The following NDUFV3 variants were observed in gnomAD, a reference collection of about 807,000 sequenced individuals.
NDUFV3 encodes the protein NADH dehydrogenase [ubiquinone] flavoprotein 3, mitochondrial.
In NDUFV3, 44 loss-of-function variants were observed where a neutral mutation model predicts 37.5. That is an observed-to-expected ratio of 1.17 (90% CI 0.92 to 1.51). NDUFV3 has a LOEUF of 1.51. Among genes scored for constraint, NDUFV3 ranks in the 40% most tolerant of loss-of-function variants. The pLI, the probability that NDUFV3 is intolerant of heterozygous loss-of-function variation, is 0.00. For synonymous variants in NDUFV3, 235 were observed against 239.3 expected (o/e 0.98, Z 0.17); for missense variants, 580 against 580.4 (o/e 1.00, Z 0.01).
At chr21:42,894,464 A>AAATACAT in intron 1 of NDUFV3, among the ~76,000 whole-genome samples, 1 of 50,232 alleles carries the variant, frequency 2.0e-5, no homozygotes, top group Non-Finnish European at 3.3e-5. Context: ...ATGTTTATAT[A>AAATACAT]AATATATATT....
At position 42,895,292 on chromosome 21, in the gene NDUFV3, G is replaced by C. The variant is rs1407719126; in HGVS notation, c.49-1635G>C. ...GAGGCCAGGAACTCGAGACCAACCT[G>C]ATCAACATGGTGAAACCCCGTCTCT... On this transcript the variant is annotated intron_variant, in intron 1 of 3. Coordinates refer to ENST00000354250, the MANE Select transcript of NDUFV3 (RefSeq NM_021075.4). Among the ~76,000 whole-genome samples the C allele has an allele frequency of 2.6e-5, 4 of 152,250 alleles. No individual in the cohort carries two copies. In the East Asian group the frequency reaches 5.8e-4, roughly 22 times the overall value.
chr21:42,897,119 C>G lies in NDUFV3; in HGVS notation c.169+72C>G. The G allele has an allele frequency of 3.9e-6, 6 of 1,555,794 alleles. No homozygotes were observed. The East Asian group carries it at 9.4e-5, about 24-fold the overall frequency. ...AATAGATTAGTCAGCCTTCGAAGCA[C>G]GACAGTGAGTTTTACTAGCTACGTA... On this transcript the variant is annotated intron_variant, in intron 2 of 3. Transcript: ENST00000354250.
intron 2 of NDUFV3, among the ~76,000 whole-genome samples, chr21:42,897,415 G>C (rs1405199554): frequency 6.6e-6 from 1 of 150,752 alleles, no homozygotes; most frequent in Admixed American, 6.6e-5. Flanking sequence ...TGTTTGTTTT[G>C]TTTTGTTTTG....
chr21:42,900,906 C>T (rs1191253261), intron 2 of NDUFV3, among the ~76,000 whole-genome samples: 1 of 152,146 alleles, frequency 6.6e-6, no homozygotes, highest in East Asian at 1.9e-4. Flanking sequence ...TGGAGGTGCA[C>T]CTTGGGGAAC....
intron 2 of NDUFV3, among the ~76,000 whole-genome samples, chr21:42,897,956 G>T (rs369807050): frequency 6.6e-6 from 1 of 152,226 alleles, no homozygotes; most frequent in South Asian, 2.1e-4. Flanking sequence ...AATTACAGGC[G>T]TGAGCCACCG....
chr21:42,893,343 C>A lies in NDUFV3; in HGVS notation c.10C>A (p.Pro4Thr), dbSNP rs573166856. The A allele has an allele frequency of 1.0e-5, 16 of 1,538,504 alleles. No homozygotes were observed. In the South Asian group the frequency reaches 1.8e-4, roughly 17 times the overall value. Residue 4 changes from proline (P) to threonine (T), a missense_variant, in exon 1 of 4, where the codon CCG becomes ACG. Physicochemically the swap from Pro to Thr is conservative, Grantham distance 38. Transcript: ENST00000354250. The stretch of plus-strand genomic sequence containing the variant: ...GCCCGCTGTCACCGCCATGGCTGCC[C>A]CGTGTTTGCTGCGGCAAGGACGAGC... MAA[P>T]CLLRQGRAGA...
chr21:42,903,093 A>T, intron 2 of NDUFV3, 89 bp from the exon 3 acceptor site: 1 of 1,520,208 alleles, frequency 6.6e-7, no homozygotes, highest in South Asian at 1.2e-5. Flanking sequence ...TACTGTCAGT[A>T]ATAAGTAATG....
intron 1 of NDUFV3, among the ~76,000 whole-genome samples, chr21:42,896,614 G>T (rs79356770): frequency 1.3e-5 from 2 of 152,066 alleles, no homozygotes; most frequent in East Asian, 3.9e-4. Flanking sequence ...CTTCAGGATC[G>T]CTTGAGGCCA....
rs2058767938 is a variant in NDUFV3, at chr21:42,910,895, T to A, written c.*1874T>A. 2 of 152,714 alleles carry A rather than the reference T, an allele frequency of 1.3e-5. No individual in the cohort carries two copies. Among genetic ancestry groups the A allele is most frequent in the African/African-American group, 2.4e-5 (1 of 41,406 alleles). 9.5% of individuals were successfully genotyped at this position (152,714 alleles called of 1,614,324 possible). A position where few individuals can be genotyped will look rare whatever the true frequency, so the allele number is the denominator to read the frequency against. On this transcript the variant is annotated 3_prime_UTR_variant, in exon 4 of 4. Transcript: ENST00000354250. ...CTCCTGTGCATCACATGGAGCACGCTCCCCCAGCACTCTGCAGAGACAGAC... is the reference window on the plus strand; with the variant it reads ...CTCCTGTGCATCACATGGAGCACGCACCCCCAGCACTCTGCAGAGACAGAC...
intron 1 of NDUFV3, among the ~76,000 whole-genome samples, chr21:42,893,661 G>C (rs2058668295): frequency 6.6e-6 from 1 of 152,212 alleles, no homozygotes; most frequent in Non-Finnish European, 1.5e-5. Context: ...GCGCTCCCGA[G>C]GGCTGCATGC....
At chr21:42,897,394 T>C (rs547519397) in intron 2 of NDUFV3, among the ~76,000 whole-genome samples, 2 of 149,732 alleles carry the variant, frequency 1.3e-5, no homozygotes, top group Non-Finnish European at 3.0e-5. Flanking sequence ...TTCCATCCTC[T>C]GATGCTGAGT....
In NDUFV3 at chr21:42,893,328, A is replaced by G; in HGVS notation, c.-6A>G. The G allele has an allele frequency of 3.3e-6, 5 of 1,537,972 alleles. No homozygotes were observed. The highest frequency in any genetic ancestry group is 4.4e-6 in the Non-Finnish European group (5 of 1,146,334). ...GGCCCTGCTTGGTGCGCCCGCTGTC[A>G]CCGCCATGGCTGCCCCGTGTTTGCT... On this transcript the variant is annotated 5_prime_UTR_variant, in exon 1 of 4. Coordinates refer to ENST00000354250, the MANE Select transcript of NDUFV3 (RefSeq NM_021075.4).
chr21:42,899,626 G>A (rs1197925569), intron 2 of NDUFV3, among the ~76,000 whole-genome samples: 1 of 152,292 alleles, frequency 6.6e-6, no homozygotes, highest in South Asian at 2.1e-4. Context: ...TCTGTTTTTA[G>A]TAGAGACGGG....
rs1481279627 is a variant in NDUFV3, at chr21:42,893,327, C to G, written c.-7C>G. ...TGGCCCTGCTTGGTGCGCCCGCTGT[C>G]ACCGCCATGGCTGCCCCGTGTTTGC... is the stretch of plus-strand genomic sequence containing the variant. On this transcript the variant is annotated 5_prime_UTR_variant, in exon 1 of 4. Coordinates refer to ENST00000354250, the MANE Select transcript of NDUFV3 (RefSeq NM_021075.4). 5.9e-6 allele frequency: 9 copies of G among 1,538,126 alleles called. No homozygotes were observed. The highest frequency in any genetic ancestry group is 6.1e-6 in the Non-Finnish European group (7 of 1,146,366).
In NDUFV3 at chr21:42,904,040, G is replaced by C. The variant is rs140627218; in HGVS notation, c.1028G>C (p.Arg343Pro). 2.5e-6 allele frequency: 4 copies of C among 1,614,142 alleles called. 1 individual carries two copies. Among genetic ancestry groups the C allele is most frequent in the South Asian group, 2.2e-5 (2 of 91,090 alleles). ...HLEKPVPEPQ[R>P]KAAPPLPRKE... The stretch of plus-strand genomic sequence containing the variant: ...GAAAAACCCGTGCCAGAGCCCCAGC[G>C]CAAGGCGGCCCCTCCCCTGCCCAGA... The change falls in exon 3 of 4, where the codon CGC becomes CCC. Residue 343 changes from arginine (R) to proline (P), a missense_variant. Arg to Pro is a moderately radical substitution (Grantham distance 103). Coordinates refer to ENST00000354250, the MANE Select transcript of NDUFV3 (RefSeq NM_021075.4).
At position 42,896,936 on chromosome 21, in the gene NDUFV3, C is replaced by T; in HGVS notation, c.58C>T (p.Gln20Ter). Residue 20 changes from glutamine (Q) to a stop codon, truncating the protein, a stop_gained, in exon 2 of 4, where the codon CAG becomes TAG. Coordinates refer to ENST00000354250, the MANE Select transcript of NDUFV3 (RefSeq NM_021075.4). LOFTEE classifies it high-confidence loss of function. ...TTAATTCTTTTGTCAGACTATGCTC[C>T]AGGAAGCCCAGGTGTTTCGAGGACT... ...GRAGALKTML[Q>*]EAQVFRGLAS... The T allele has an allele frequency of 1.2e-6, 2 of 1,613,370 alleles. No homozygotes were observed. Among genetic ancestry groups the T allele is most frequent in the Middle Eastern group, 1.7e-4 (1 of 6,058 alleles).
intron 1 of NDUFV3, 109 bp from the exon 2 acceptor site, chr21:42,896,818 G>A (rs555536256): frequency 7.7e-5 from 89 of 1,153,754 alleles, no homozygotes; most frequent in Non-Finnish European, 1.1e-4. Flanking sequence ...CAGCCTGGAC[G>A]ACTGAGAGAG....
Position 42,904,233 on chromosome 21 carries a change from G to A in NDUFV3, c.1221G>A (p.Met407Ile), listed in dbSNP as rs1568860096. 6.2e-7 allele frequency: 1 copy of A among 1,612,454 alleles called. No individual in the cohort carries two copies. The highest frequency in any genetic ancestry group is 1.7e-5 in the Admixed American group (1 of 59,680). ...AGCTTGAGGCCGAGGGCGAGGCCAT[G>A]GAAGATGCAGCCGCGCCAGGGGACG... ...ALKLEAEGEA[M>I]EDAAAPGDDR... is the part of the protein sequence containing the mutation. The change falls in exon 3 of 4, where the codon ATG becomes ATA. Residue 407 changes from methionine to isoleucine, a missense_variant. Met to Ile is a conservative substitution (Grantham distance 10). Transcript: ENST00000354250.
Position 42,912,901 on chromosome 21 carries a change from A to ATTAATT in NDUFV3, c.*3880_*3881insTTAATT. ...AGCAAGACTCCGTCTCAAAAAAAAA[A>ATTAATT]AACAAAAAAAAAATTAGCCGGGCGT... On this transcript the variant is annotated 3_prime_UTR_variant, in exon 4 of 4. Transcript: ENST00000354250. 6.7e-6 allele frequency: 1 copy of ATTAATT among 149,728 alleles called. No individual in the cohort carries two copies. Among genetic ancestry groups the ATTAATT allele is most frequent in the East Asian group, 2.0e-4 (1 of 5,110 alleles). 9.3% of individuals were successfully genotyped at this position (149,728 alleles called of 1,614,324 possible).
Sources: gnomAD v4.1 joint callset for allele counts (sites outside exome capture counted in the v4.1 genomes callset) on GRCh38, gnomAD v4.1.1 for gene constraint, MANE v1.5 for transcripts, NCBI Gene and HGNC (gene_info 2026-07-23, HGNC 2026-07-21) for gene names.